The following CLSTN2 variants were observed in gnomAD, a reference collection of about 807,000 sequenced individuals.
The protein encoded by CLSTN2 is calsyntenin-2.
Under a neutral mutation model 101.2 loss-of-function variants are expected in CLSTN2, and 48 were observed. The observed-to-expected ratio is 0.47, with a 90% confidence interval of 0.38 to 0.60. The LOEUF is 0.60. Ranked by LOEUF, CLSTN2 falls within the 20% of genes least tolerant of loss-of-function variation. The pLI is 0.00. For synonymous variants in CLSTN2, 481 were observed against 463.6 expected (o/e 1.04, Z -0.48); for missense variants, 1,160 against 1,238.2 (o/e 0.94, Z 0.95).
chr3:140,462,959 A>C (rs1401600678), intron 7 of CLSTN2: 1 of 152,166 alleles, frequency 6.6e-6, no homozygotes, highest in Non-Finnish European at 1.5e-5. Flanking sequence ...TGCCCCACCT[A>C]CCCATGGGGG....
intron 1 of CLSTN2, among the ~76,000 whole-genome samples, chr3:140,160,500 T>A (rs2010027817): frequency 6.6e-6 from 1 of 152,192 alleles, no homozygotes. Flanking sequence ...GAATGACTTT[T>A]CCTCCTGAGA....
At chr3:139,938,140 C>CAAAAAAAAA (rs66697366) in intron 1 of CLSTN2, among the ~76,000 whole-genome samples, 3 of 94,718 alleles carry the variant, frequency 3.2e-5, no homozygotes, top group Non-Finnish European at 6.4e-5. Context: ...ATTCCCATCA[C>CAAAAAAAAA]AAAAAAAAAA....
At chr3:140,251,608 C>CTTTCCTTTCCTTTCCTTTCCTTTCT (rs2086564502) in intron 2 of CLSTN2, among the ~76,000 whole-genome samples, 1 of 150,210 alleles carries the variant, frequency 6.7e-6, no homozygotes, top group African/African-American at 2.5e-5. Flanking sequence ...CTTTCCTTTC[C>CTTTCCTTTCCTTTCCTTTCCTTTCT]TTTCCTTTCC....
intron 4 of CLSTN2, among the ~76,000 whole-genome samples, chr3:140,406,616 C>T (rs2088305252): frequency 2.0e-5 from 3 of 152,308 alleles, no homozygotes; most frequent in Admixed American, 2.0e-4. Flanking sequence ...CCTGTCCCCA[C>T]CACAGAGGCA....
In CLSTN2 at chr3:140,071,590, G is replaced by C. The variant is rs185476758; in HGVS notation, c.110-104361G>C. Among the ~76,000 whole-genome samples the C allele has an allele frequency of 5.3e-3, 812 of 152,270 alleles. 4 individuals are homozygous for C. The highest frequency in any genetic ancestry group is 8.0e-3 in the Non-Finnish European group (544 of 68,018). On this transcript the variant is annotated intron_variant, in intron 1 of 16. Coordinates refer to ENST00000458420, the MANE Select transcript of CLSTN2 (RefSeq NM_022131.3). The stretch of plus-strand genomic sequence containing the variant: ...CTCACGCCTGTAATCCCAGCCCTTT[G>C]GGAGGCTGAGGCGGGTGGATCACCA...
At chr3:139,961,197 TTTC>T (rs1275719373) in intron 1 of CLSTN2, among the ~76,000 whole-genome samples, 1 of 152,214 alleles carries the variant, frequency 6.6e-6, no homozygotes, top group Non-Finnish European at 1.5e-5. Context: ...TTGATCTCAT[TTTC>T]TTCTTTATAA....
At chr3:139,958,473 G>C (rs540462616) in intron 1 of CLSTN2, among the ~76,000 whole-genome samples, 1 of 152,116 alleles carries the variant, frequency 6.6e-6, no homozygotes. Context: ...CTGTACAAAA[G>C]ACTGAAATCC....
Position 140,558,653 on chromosome 3 carries a change from G to A in CLSTN2, c.1837G>A (p.Asp613Asn). 6.2e-7 allele frequency: 1 copy of A among 1,613,226 alleles called. No homozygotes were observed. The highest frequency in any genetic ancestry group is 8.5e-7 in the Non-Finnish European group (1 of 1,179,386). The change falls in exon 12 of 17, where the codon GAC becomes AAC. Residue 613 changes from aspartate (D) to asparagine (N), a missense_variant. Transcript: ENST00000458420. ...ATGTTTTCCCAGGTGCTTTGGGGAA[G>A]ACGTATGCATCAGTATCCCTGAGGT... ...VSSKVQCFGEDVCISIPEVDA... is the reference protein window; with the variant it reads ...VSSKVQCFGENVCISIPEVDA...
At chr3:140,108,110 A>G (rs544215094) in intron 1 of CLSTN2, among the ~76,000 whole-genome samples, 1 of 152,306 alleles carries the variant, frequency 6.6e-6, no homozygotes, top group South Asian at 2.1e-4. Context: ...TATAGAAATT[A>G]CTTTTTCAGA....
At chr3:140,247,253 A>G (rs2086526083) in intron 2 of CLSTN2, among the ~76,000 whole-genome samples, 1 of 152,180 alleles carries the variant, frequency 6.6e-6, no homozygotes, top group Non-Finnish European at 1.5e-5. Flanking sequence ...CCAACTAACT[A>G]CTAGCAGCAA....
intron 1 of CLSTN2, among the ~76,000 whole-genome samples, chr3:139,971,279 T>G (rs1234229543): frequency 1.3e-5 from 2 of 152,232 alleles, no homozygotes; most frequent in African/African-American, 2.4e-5. Context: ...AGCAGTCAAT[T>G]ATATTAAAGA....
At chr3:140,518,544 A>T (rs1199412204) in intron 8 of CLSTN2, among the ~76,000 whole-genome samples, 1 of 152,118 alleles carries the variant, frequency 6.6e-6, no homozygotes, top group Non-Finnish European at 1.5e-5. Context: ...GCTTCAGGTA[A>T]GGTCAAATCC....
At chr3:140,004,330 G>C (rs1395634628) in intron 1 of CLSTN2, among the ~76,000 whole-genome samples, 1 of 152,158 alleles carries the variant, frequency 6.6e-6, no homozygotes, top group African/African-American at 2.4e-5. Context: ...TCTGACCTTG[G>C]TTTCCATTTA....
intron 4 of CLSTN2, among the ~76,000 whole-genome samples, chr3:140,412,620 C>CA (rs1213117077): frequency 1.3e-5 from 2 of 152,088 alleles, no homozygotes; most frequent in Admixed American, 1.3e-4. Context: ...AAATGAATGC[C>CA]AAGGTAACAT....
rs915051561 is a variant in CLSTN2, at chr3:140,569,049, T to C, written c.*2796T>C. 7 of 152,262 alleles carry C rather than the reference T, an allele frequency of 4.6e-5. No homozygotes were observed. The highest frequency in any genetic ancestry group is 1.7e-4 in the African/African-American group (7 of 41,434). The allele number at this position is 152,262 out of a possible 1,614,324, so 9.4% of individuals were successfully genotyped here. ...AATGAATCCGCTGGGTTGGCAGGCA[T>C]TGGTCATCTTCGCAACACCCTCTTC... is the stretch of plus-strand genomic sequence containing the variant. On this transcript the variant is annotated 3_prime_UTR_variant, in exon 17 of 17. Coordinates refer to ENST00000458420, the MANE Select transcript of CLSTN2 (RefSeq NM_022131.3).
At chr3:140,019,685 C>T (rs747821010) in intron 1 of CLSTN2, among the ~76,000 whole-genome samples, 9 of 151,914 alleles carry the variant, frequency 5.9e-5, no homozygotes, top group Admixed American at 1.3e-4. Context: ...GAAAGGTTCT[C>T]GGAGGGTCAG....
intron 2 of CLSTN2, among the ~76,000 whole-genome samples, chr3:140,358,502 G>A (rs1341937283): frequency 6.6e-6 from 1 of 152,002 alleles, no homozygotes; most frequent in African/African-American, 2.4e-5. Context: ...AAAACATAAG[G>A]CATTATCAAA....
intron 2 of CLSTN2, among the ~76,000 whole-genome samples, chr3:140,327,166 A>C (rs1240706955): frequency 2.6e-5 from 4 of 152,232 alleles, no homozygotes; most frequent in African/African-American, 4.8e-5. Context: ...ACATGCGCTG[A>C]ATGAGCCAGG....
chr3:140,473,772 T>G (rs1269801236), intron 8 of CLSTN2, among the ~76,000 whole-genome samples: 1 of 152,098 alleles, frequency 6.6e-6, no homozygotes, highest in African/African-American at 2.4e-5. Context: ...TTGTTTGTTT[T>G]TTTGAGACAG....
Sources: gnomAD v4.1 joint callset for allele counts (sites outside exome capture counted in the v4.1 genomes callset) on GRCh38, gnomAD v4.1.1 for gene constraint, MANE v1.5 for transcripts, NCBI Gene and HGNC (gene_info 2026-07-23, HGNC 2026-07-21) for gene names.